Variants in LRRC57 observed in about 807,000 individuals in gnomAD.
The protein encoded by LRRC57 is leucine-rich repeat-containing protein 57.
A neutral mutation model predicts 23.1 loss-of-function variants in LRRC57; 14 were observed. The observed-to-expected ratio is 0.61, with a 90% CI of 0.40 to 0.95. The LOEUF is 0.95. Ranked by LOEUF, LRRC57 falls within the 40% of genes least tolerant of loss-of-function variation. The pLI, the probability that LRRC57 is intolerant of heterozygous loss-of-function variation, is 0.00. For missense variants in LRRC57, 236 were observed against 284.4 expected (o/e 0.83, Z 1.22); for synonymous variants, 106 against 115.2 (o/e 0.92, Z 0.51).
chr15:42,540,514 T>A lies in LRRC57; in HGVS notation c.*3569A>T, dbSNP rs1436221137. 3 of 151,868 alleles carry A rather than the reference T, an allele frequency of 2.0e-5. No homozygotes were observed. Among genetic ancestry groups the A allele is most frequent in the African/African-American group, 7.3e-5 (3 of 41,320 alleles). 9.4% of individuals were successfully genotyped at this position (151,868 alleles called of 1,614,324 possible). A position where few individuals can be genotyped will look rare whatever the true frequency, so the allele number is the denominator to read the frequency against. On this transcript the variant is annotated 3_prime_UTR_variant, in exon 6 of 6. Coordinates refer to ENST00000397130, the MANE Select transcript of LRRC57 (RefSeq NM_153260.3). ...GTATCCATGGAGGTATTGAAACCAA[T>A]CCTCCATGGACACTGAGGGACAAGC...
At chr15:42,529,886 T>G in the LRRC57 span, 1 of 1,523,014 alleles carries the variant, frequency 6.6e-7, no homozygotes, top group Non-Finnish European at 9.0e-7. Context: ...TAGACATCTG[T>G]GCTAGATACT....
In LRRC57 at chr15:42,538,423, A is replaced by AT. The variant is rs1291889651; in HGVS notation, c.*5659dup. On this transcript the variant is annotated 3_prime_UTR_variant, in exon 6 of 6. Transcript: ENST00000397130. ...GGCTACTCCATAGGCAGAGCAGCCT[A>AT]TTTTTTATTATTTTTTTGGAGCCAC... The AT allele has an allele frequency of 6.6e-6, 1 of 152,124 alleles. No homozygotes were observed. The allele number at this position is 152,124 out of a possible 1,614,324, so 9.4% of individuals were successfully genotyped here. A position where few individuals can be genotyped will look rare whatever the true frequency, so the allele number is the denominator to read the frequency against.
At chr15:42,535,448 T>A (rs572813171), downstream of LRRC57, among the ~76,000 whole-genome samples, 1 of 127,586 alleles carries the variant, frequency 7.8e-6, no homozygotes, top group Non-Finnish European at 1.5e-5. Context: ...TGTCTTGGCA[T>A]TTTTTTTTTT....
At chr15:42,534,523 C>T (rs1398528938), downstream of LRRC57, among the ~76,000 whole-genome samples, 2 of 152,216 alleles carry the variant, frequency 1.3e-5, no homozygotes, top group African/African-American at 4.8e-5. Flanking sequence ...GACCTCCTTT[C>T]ATGAATCATG....
chr15:42,546,840 C>T (rs905504966), intron 4 of LRRC57, among the ~76,000 whole-genome samples: 3 of 152,170 alleles, frequency 2.0e-5, no homozygotes, highest in Admixed American at 2.0e-4. Flanking sequence ...AAACCCCACA[C>T]AAAACGAAAA....
Position 42,547,149 on chromosome 15 carries a change from C to T in LRRC57, c.492+112G>A, listed in dbSNP as rs533024319. The T allele has an allele frequency of 4.5e-5, 54 of 1,195,498 alleles. No individual in the cohort carries two copies. In the Admixed American group the frequency reaches 8.5e-4, roughly 19 times the overall value. The allele number at this position is 1,195,498 out of a possible 1,614,324, so 74.1% of individuals were successfully genotyped here. On this transcript the variant is annotated intron_variant, in intron 4 of 5. Transcript: ENST00000397130. ...CCTATAGAAGAAACCTCTCATTTAG[C>T]CTCTGATACTTAGCTCTATGATGGC...
chr15:42,532,349 T>C, the LRRC57 span: 2 of 152,238 alleles, frequency 1.3e-5, no homozygotes, highest in African/African-American at 4.8e-5. Flanking sequence ...CCTCCCAAAG[T>C]ACTGGGATTA....
At chr15:42,529,239 C>T in the LRRC57 span, among the ~76,000 whole-genome samples, 1 of 152,122 alleles carries the variant, frequency 6.6e-6, no homozygotes, top group South Asian at 2.1e-4. Context: ...GGTCCTTGGG[C>T]CGTAGTTTTC....
In LRRC57 at chr15:42,544,034, AG is replaced by A; in HGVS notation, c.*48del. On this transcript the variant is annotated 3_prime_UTR_variant, in exon 6 of 6. Transcript: ENST00000397130. The stretch of plus-strand genomic sequence containing the variant: ...GGCTTTGACTCAGCCACATTCCAAC[AG>A]AGGTTCTAAGTCAGTATCCTGTAAG... The A allele has an allele frequency of 1.9e-6, 3 of 1,540,450 alleles. No individual in the cohort carries two copies. The highest frequency in any genetic ancestry group is 2.7e-6 in the Non-Finnish European group (3 of 1,119,414).
chr15:42,535,277 T>C (rs2057594861), downstream of LRRC57, among the ~76,000 whole-genome samples: 1 of 152,204 alleles, frequency 6.6e-6, no homozygotes, highest in African/African-American at 2.4e-5. Context: ...CTTGGGTAAC[T>C]TCCAACTTTT....
intron 5 of LRRC57, among the ~76,000 whole-genome samples, chr15:42,544,842 C>CACACACTA: frequency 5.1e-5 from 5 of 98,026 alleles, no homozygotes; most frequent in African/African-American, 3.3e-4. Context: ...CACACACACA[C>CACACACTA]TATATATATA....
At chr15:42,546,088 C>G (rs2057657019) in intron 4 of LRRC57, among the ~76,000 whole-genome samples, 1 of 152,172 alleles carries the variant, frequency 6.6e-6, no homozygotes, top group Non-Finnish European at 1.5e-5. Context: ...CTTTGACTCA[C>G]CCCTTTTGCC....
At chr15:42,546,586 C>T (rs1211079000) in intron 4 of LRRC57, among the ~76,000 whole-genome samples, 1 of 152,186 alleles carries the variant, frequency 6.6e-6, no homozygotes, top group Non-Finnish European at 1.5e-5. Flanking sequence ...AATACAGACA[C>T]TAGAAAACTA....
downstream of LRRC57, among the ~76,000 whole-genome samples, chr15:42,537,588 C>T (rs1237846222): frequency 2.0e-5 from 3 of 152,120 alleles, no homozygotes; most frequent in Non-Finnish European, 4.4e-5. Context: ...TACCTGCACT[C>T]CCATGGTTAT....
At chr15:42,546,616 G>A (rs568588822) in intron 4 of LRRC57, among the ~76,000 whole-genome samples, 2 of 152,176 alleles carry the variant, frequency 1.3e-5, no homozygotes, top group South Asian at 4.1e-4. Flanking sequence ...CAGTCTCACA[G>A]TGTTTAATAT....
chr15:42,533,427 A>G (rs2057583379), downstream of LRRC57, among the ~76,000 whole-genome samples: 1 of 152,226 alleles, frequency 6.6e-6, no homozygotes. Context: ...ATAAAGTGAG[A>G]TGCAACTACA....
In LRRC57 at chr15:42,548,471, C is replaced by A; in HGVS notation, c.-22-15G>T. The A allele has an allele frequency of 6.2e-7, 1 of 1,605,748 alleles. No individual in the cohort carries two copies. Among genetic ancestry groups the A allele is most frequent in the Non-Finnish European group, 8.5e-7 (1 of 1,176,896 alleles). On this transcript the variant is annotated splice_polypyrimidine_tract_variant and intron_variant, in intron 1 of 5. Coordinates refer to ENST00000397130, the MANE Select transcript of LRRC57 (RefSeq NM_153260.3). ...GGCTCAGGTCCCTGCGGGAAGGAAG[C>A]GCTGCTGTCACCGCCCAGTCCACCC...
rs746723993 is a variant in LRRC57 at position 42,547,252 on chromosome 15, G to A, written c.492+9C>T. 6.2e-7 allele frequency: 1 copy of A among 1,612,912 alleles called. No homozygotes were observed. Among genetic ancestry groups the A allele is most frequent in the Non-Finnish European group, 8.5e-7 (1 of 1,179,458 alleles). On this transcript the variant is annotated intron_variant, in intron 4 of 5. Transcript: ENST00000397130. ...ATGCTGTAGGAAAAAAAACCTTAAA[G>A]CTCTAGACCTGATTCTGGTTGAGGT...
the LRRC57 span, chr15:42,528,382 A>G: frequency 3.1e-6 from 5 of 1,614,196 alleles, no homozygotes; most frequent in Admixed American, 5.0e-5. Flanking sequence ...AGCTTCAGCA[A>G]CCAACAACGG....
Sources: gnomAD v4.1 joint callset for allele counts (sites outside exome capture counted in the v4.1 genomes callset) on GRCh38, gnomAD v4.1.1 for gene constraint, MANE v1.5 for transcripts, NCBI Gene and HGNC (gene_info 2026-07-23, HGNC 2026-07-21) for gene names.